RELCH: variants seen among roughly 807,000 people sequenced by gnomAD.
The protein encoded by RELCH is RAB11 binding and LisH domain, coiled-coil and HEAT repeat containing.
A neutral mutation model predicts 150.3 loss-of-function variants in RELCH; 41 were observed. The observed-to-expected ratio is 0.27, with a 90% CI of 0.21 to 0.35. RELCH has a LOEUF of 0.35. Ranked by LOEUF, RELCH falls within the 10% of genes least tolerant of loss-of-function variation. RELCH has a pLI of 1.00. For missense variants in RELCH, 1,092 were observed against 1,467.8 expected, an observed-to-expected ratio of 0.74 and a Z score of 4.18; for synonymous variants, 478 against 531.8, an observed-to-expected ratio of 0.90 and a Z score of 1.39.
chr18:62,220,886 C>T (rs1312298102), intron 2 of RELCH, 151 bp from the exon 3 acceptor site: 8 of 690,676 alleles, frequency 1.2e-5, no homozygotes, highest in South Asian at 3.4e-5. Flanking sequence ...CTGCTGCATG[C>T]GTTCACAAGT....
intron 22 of RELCH, among the ~76,000 whole-genome samples, chr18:62,276,507 A>G (rs569902996): frequency 3.3e-5 from 5 of 152,244 alleles, no homozygotes; most frequent in African/African-American, 7.2e-5. Context: ...TAGGGAACAT[A>G]TACTTATCCA....
At chr18:62,214,952 A>G (rs916023469) in intron 2 of RELCH, among the ~76,000 whole-genome samples, 4 of 152,122 alleles carry the variant, frequency 2.6e-5, no homozygotes, top group Non-Finnish European at 4.4e-5. Flanking sequence ...CAATGGCTTC[A>G]AGGTCTTTCT....
At chr18:62,245,277 C>G (rs2042345475) in intron 11 of RELCH, among the ~76,000 whole-genome samples, 1 of 152,196 alleles carries the variant, frequency 6.6e-6, no homozygotes, top group Admixed American at 6.5e-5. Context: ...GCTATAATTA[C>G]TGACAAGTCT....
intron 1 of RELCH, among the ~76,000 whole-genome samples, chr18:62,189,350 G>A (rs1158169902): frequency 6.7e-6 from 1 of 149,078 alleles, no homozygotes; most frequent in Non-Finnish European, 1.5e-5. Flanking sequence ...ACAAGGTCTA[G>A]CTAAGATGTC....
Position 62,306,057 on chromosome 18 carries a change from G to C in RELCH, c.*523G>C, listed in dbSNP as rs993635792. The C allele has an allele frequency of 2.6e-5, 4 of 152,648 alleles. No individual in the cohort carries two copies. Among genetic ancestry groups the C allele is most frequent in the Non-Finnish European group, 5.9e-5 (4 of 68,046 alleles). The allele number at this position is 152,648 out of a possible 1,614,324, so 9.5% of individuals were successfully genotyped here. A position where few individuals can be genotyped will look rare whatever the true frequency, so the allele number is the denominator to read the frequency against. On this transcript the variant is annotated 3_prime_UTR_variant, in exon 29 of 29. Transcript: ENST00000644646. ...TTTTGGACATCAGTTTGTGTGTTCT[G>C]TAGGAATTGTGTGCATTCCATTCAC...
At chr18:62,292,034 T>C (rs982799853) in intron 27 of RELCH, among the ~76,000 whole-genome samples, 1 of 152,182 alleles carries the variant, frequency 6.6e-6, no homozygotes, top group Admixed American at 6.5e-5. Flanking sequence ...CAAATCCCTG[T>C]TTATCATTTA....
intron 1 of RELCH, among the ~76,000 whole-genome samples, chr18:62,195,617 G>A (rs957964429): frequency 2.0e-5 from 3 of 151,952 alleles, no homozygotes; most frequent in Non-Finnish European, 4.4e-5. Context: ...TTTTTATAAG[G>A]CAGCTAACAG....
chr18:62,187,562 C>A lies in RELCH; in HGVS notation c.57C>A (p.Leu19=). ...GTGGTGGCGGCGTGAATCCATTTCT[C>A]AGTGATTCGGATGAGGACGATGACG... The part of the protein sequence containing the change: ...SGSGGGVNPF[L]SDSDEDDDEV... The change falls in exon 1 of 29, where the codon CTC becomes CTA. Residue 19 remains leucine, a synonymous_variant. Transcript: ENST00000644646. The A allele has an allele frequency of 6.6e-7, 1 of 1,519,414 alleles. No homozygotes were observed. Among genetic ancestry groups the A allele is most frequent in the South Asian group, 1.3e-5 (1 of 76,084 alleles). 94.1% of individuals were successfully genotyped at this position (1,519,414 alleles called of 1,614,324 possible).
chr18:62,199,909 T>C (rs779136018), intron 1 of RELCH, among the ~76,000 whole-genome samples: 1 of 152,230 alleles, frequency 6.6e-6, no homozygotes, highest in Non-Finnish European at 1.5e-5. Flanking sequence ...TATGAAAGGT[T>C]ATCTGTGTAA....
chr18:62,286,509 T>G (rs962062922), intron 25 of RELCH, among the ~76,000 whole-genome samples: 6 of 152,026 alleles, frequency 3.9e-5, no homozygotes, highest in Admixed American at 3.9e-4. Flanking sequence ...ACAAACTCAG[T>G]GCAAACAAGA....
chr18:62,195,821 G>A lies in RELCH; in HGVS notation c.526+7790G>A, dbSNP rs368119620. Among the ~76,000 whole-genome samples the A allele has an allele frequency of 1.8e-4, 27 of 151,318 alleles. No individual in the cohort carries two copies. The East Asian group carries it at 3.2e-3, about 18-fold the overall frequency. ...AGCAGTTCTCCTGCCTCAGCCTCCC[G>A]AGTAGCTAGGACTACAGGCGCATGC... On this transcript the variant is annotated intron_variant, in intron 1 of 28. Transcript: ENST00000644646.
chr18:62,252,412 G>A (rs897754701), intron 11 of RELCH, among the ~76,000 whole-genome samples: 1 of 152,014 alleles, frequency 6.6e-6, no homozygotes, highest in African/African-American at 2.4e-5. Context: ...CCAGCTACTC[G>A]AGAGGATGAG....
chr18:62,219,968 A>G (rs1249351634), intron 2 of RELCH, among the ~76,000 whole-genome samples: 1 of 152,098 alleles, frequency 6.6e-6, no homozygotes, highest in Non-Finnish European at 1.5e-5. Flanking sequence ...TTTATGCAGA[A>G]TGATTTAACT....
chr18:62,235,126 A>G (rs1203067197), intron 10 of RELCH: 3 of 152,034 alleles, frequency 2.0e-5, no homozygotes, highest in Non-Finnish European at 4.4e-5. Flanking sequence ...TCAACGATTC[A>G]TTTTGAGTTA....
At chr18:62,251,862 A>G (rs1568381356) in intron 11 of RELCH, among the ~76,000 whole-genome samples, 3 of 152,236 alleles carry the variant, frequency 2.0e-5, no homozygotes, top group Admixed American at 2.0e-4. Flanking sequence ...TATGAGATTC[A>G]GCCTCATACC....
chr18:62,294,255 C>T (rs1022244336), intron 27 of RELCH, among the ~76,000 whole-genome samples: 2 of 152,154 alleles, frequency 1.3e-5, no homozygotes, highest in Non-Finnish European at 2.9e-5. Context: ...AGTGTATACA[C>T]TTTCAGTTTT....
chr18:62,297,947 G>A (rs2045490948), intron 27 of RELCH, among the ~76,000 whole-genome samples: 1 of 152,064 alleles, frequency 6.6e-6, no homozygotes, highest in African/African-American at 2.4e-5. Context: ...GGCCTTCCTA[G>A]TACCCCTTAT....
chr18:62,207,142 C>G (rs1320597484), intron 1 of RELCH, among the ~76,000 whole-genome samples: 2 of 152,144 alleles, frequency 1.3e-5, no homozygotes, highest in Admixed American at 6.5e-5. Context: ...GCGTACACTC[C>G]ATTTTCCCCC....
In RELCH at chr18:62,264,867, TC is replaced by T; in HGVS notation, c.2631+17del. 6.3e-7 allele frequency: 1 copy of T among 1,591,448 alleles called. No homozygotes were observed. Reference sequence around the variant, plus strand: ...CAAACACTAAGGTAAAAACTTGTATTCCATGTTTTCTTATATGAAAAAGACA... The same window carrying T: ...CAAACACTAAGGTAAAAACTTGTATTCATGTTTTCTTATATGAAAAAGACA... On this transcript the variant is annotated intron_variant, in intron 18 of 28. Coordinates refer to ENST00000644646, the MANE Select transcript of RELCH (RefSeq NM_001346231.2).
Sources: gnomAD v4.1 joint callset for allele counts (sites outside exome capture counted in the v4.1 genomes callset) on GRCh38, gnomAD v4.1.1 for gene constraint, MANE v1.5 for transcripts, NCBI Gene and HGNC (gene_info 2026-07-23, HGNC 2026-07-21) for gene names.